The following ANGEL2 variants were observed in gnomAD, a reference collection of about 807,000 sequenced individuals.
ANGEL2 encodes the protein RNA 2',3'-cyclic phosphatase ANGEL2.
In ANGEL2, 41 loss-of-function variants were observed where a neutral mutation model predicts 66.0. The ratio of observed to expected loss-of-function variants is 0.62; its 90% confidence interval spans 0.48 to 0.81. The LOEUF is 0.81. Ranked by LOEUF, ANGEL2 falls within the 30% of genes least tolerant of loss-of-function variation. The pLI, the probability that ANGEL2 is intolerant of heterozygous loss-of-function variation, is 0.00. For synonymous variants in ANGEL2, 208 were observed against 226.5 expected (o/e 0.92, Z 0.73); for missense variants, 561 against 641.6 (o/e 0.87, Z 1.36).
intron 5 of ANGEL2, among the ~76,000 whole-genome samples, chr1:213,004,716 A>T (rs978497205): frequency 1.3e-5 from 2 of 151,828 alleles, no homozygotes; most frequent in Non-Finnish European, 2.9e-5. Flanking sequence ...AAAAATACAA[A>T]AATTAGCCAG....
At chr1:212,996,319 CAAAA>C (rs1333398821) in intron 8 of ANGEL2, among the ~76,000 whole-genome samples, 1 of 150,140 alleles carries the variant, frequency 6.7e-6, no homozygotes, top group Non-Finnish European at 1.5e-5. Context: ...AACAAACAAA[CAAAA>C]AAATTATATA....
chr1:213,004,996 A>G, intron 5 of ANGEL2, 37 bp downstream of exon 5: 1 of 1,468,870 alleles, frequency 6.8e-7, no homozygotes, highest in South Asian at 1.4e-5. Flanking sequence ...CAGAGCAACT[A>G]TGTCCACTCC....
chr1:213,000,081 A>C (rs1315551726), intron 7 of ANGEL2, among the ~76,000 whole-genome samples: 1 of 152,170 alleles, frequency 6.6e-6, no homozygotes, highest in East Asian at 1.9e-4. Flanking sequence ...TCTAATCCTC[A>C]CAACAATCCA....
In ANGEL2 at chr1:213,000,677, T is replaced by C. The variant is rs1193456806; in HGVS notation, c.1261+109A>G. ...AAAAATGAATAACTACATATTTATA[T>C]ATATGAATATTCATCCCTGAGATTT... On this transcript the variant is annotated intron_variant, in intron 6 of 8. Transcript: ENST00000366962. 5 of 1,193,702 alleles carry C rather than the reference T, an allele frequency of 4.2e-6. No homozygotes were observed. In the East Asian group the frequency reaches 8.2e-5, roughly 20 times the overall value. The allele number at this position is 1,193,702 out of a possible 1,614,324, so 73.9% of individuals were successfully genotyped here. A position where few individuals can be genotyped will look rare whatever the true frequency, so the allele number is the denominator to read the frequency against.
Position 213,000,818 on chromosome 1 carries a change from T to C in ANGEL2, c.1229A>G (p.Glu410Gly). 1 of 1,611,654 alleles carries C rather than the reference T, an allele frequency of 6.2e-7. No individual in the cohort carries two copies. Among genetic ancestry groups the C allele is most frequent in the East Asian group, 2.2e-5 (1 of 44,778 alleles). ...TTCTACTTTTGGTACCTGCTGTACC[T>C]CATACACACAGTTCTGTGAGATACC... The part of the protein sequence containing the change: ...NLGISQNCVY[E>G]VQQVPKVEKT... Residue 410 changes from glutamate to glycine, a missense_variant, in exon 6 of 9, where the codon GAG becomes GGG. Glu to Gly is a moderately conservative substitution (Grantham distance 98, BLOSUM62 -2). Coordinates refer to ENST00000366962, the MANE Select transcript of ANGEL2 (RefSeq NM_144567.5).
chr1:213,012,755 T>C (rs373457726), intron 2 of ANGEL2, among the ~76,000 whole-genome samples: 1 of 152,250 alleles, frequency 6.6e-6, no homozygotes. Context: ...GCCATCAATT[T>C]CTAAGAAGTC....
intron 7 of ANGEL2, among the ~76,000 whole-genome samples, chr1:212,999,151 C>A (rs917844956): frequency 1.3e-5 from 2 of 151,898 alleles, no homozygotes; most frequent in Non-Finnish European, 2.9e-5. Context: ...AGATTACAGG[C>A]ACGAGCCACC....
At position 213,015,645 on chromosome 1, in the gene ANGEL2, C is replaced by T. The variant is rs144711506; in HGVS notation, c.27G>A (p.Lys9=). The change falls in exon 1 of 9, where the codon AAG becomes AAA. Residue 9 remains lysine, a synonymous_variant. Transcript: ENST00000366962. ...TTCCCACCACACAGTGGCCGTAGCC[C>T]TTCCTCACACAGCGCCAGGCTTCCA... MEAWRCVR[K]GYGHCVVGRG... 6 of 1,614,052 alleles carry T rather than the reference C, an allele frequency of 3.7e-6. No individual in the cohort carries two copies. In the African/African-American group the frequency reaches 8.0e-5, roughly 22 times the overall value.
chr1:213,015,109 G>A, intron 1 of ANGEL2: 1 of 987,098 alleles, frequency 1.0e-6, no homozygotes, highest in East Asian at 1.1e-4. Flanking sequence ...ATAACAGTAA[G>A]GGATGACATA....
At position 213,005,057 on chromosome 1, in the gene ANGEL2, A is replaced by G; in HGVS notation, c.1110T>C (p.Asn370=). The G allele has an allele frequency of 6.3e-7, 1 of 1,575,206 alleles. No homozygotes were observed. The highest frequency in any genetic ancestry group is 8.6e-7 in the Non-Finnish European group (1 of 1,164,754). ...LYSFIKEGKL[N]YEGLPIGKVS... ...CCTTTCCTATGGGAAGTCCTTCATA[A>G]TTCAATTTTCCTTCCTTTATGAAAC... Residue 370 remains asparagine (N), a synonymous_variant, in exon 5 of 9, where the codon AAT becomes AAC. Transcript: ENST00000366962.
Position 213,000,787 on chromosome 1 carries a change from T to A in ANGEL2, c.1260A>T (p.Thr420=). 1 of 1,604,760 alleles carries A rather than the reference T, an allele frequency of 6.2e-7. No individual in the cohort carries two copies. The highest frequency in any genetic ancestry group is 8.5e-7 in the Non-Finnish European group (1 of 1,178,480). The stretch of plus-strand genomic sequence containing the variant: ...CCAAAATGTATTACAAACACTTACC[T>A]GTCTTTTCTACTTTTGGTACCTGCT... ...EVQQVPKVEK[T]DSDLTQTQLK... is the part of the protein sequence containing the mutation. Residue 420 remains threonine (T), a splice_region_variant and synonymous_variant, in exon 6 of 9, where the codon ACA becomes ACT. Coordinates refer to ENST00000366962, the MANE Select transcript of ANGEL2 (RefSeq NM_144567.5).
At chr1:213,010,203 A>G (rs534565327) in intron 2 of ANGEL2, among the ~76,000 whole-genome samples, 17 of 152,154 alleles carry the variant, frequency 1.1e-4, no homozygotes, top group East Asian at 5.8e-4. Context: ...CCTACCCCCA[A>G]TGGCTCAGAA....
Position 213,005,390 on chromosome 1 carries a change from T to C in ANGEL2, c.777A>G (p.Lys259=). Residue 259 remains lysine, a synonymous_variant, in exon 5 of 9, where the codon AAA becomes AAG. Coordinates refer to ENST00000366962, the MANE Select transcript of ANGEL2 (RefSeq NM_144567.5). The part of the protein sequence containing the change: ...RKPDGCAICF[K]HSKFSLLSVN... ...CTGACAAGAGTGAAAATTTGGAATG[T>C]TTGAAGCAAATAGCACAGCCATCAG... 5.0e-6 allele frequency: 8 copies of C among 1,614,148 alleles called. No homozygotes were observed. Among genetic ancestry groups the C allele is most frequent in the Non-Finnish European group, 6.8e-6 (8 of 1,180,004 alleles).
chr1:212,999,472 T>C (rs2076119453), intron 7 of ANGEL2, among the ~76,000 whole-genome samples: 2 of 152,208 alleles, frequency 1.3e-5, no homozygotes, highest in Admixed American at 6.5e-5. Context: ...TAAAAAATTT[T>C]TTTAAAAATT....
chr1:212,996,641 ATAT>A (rs1224555112), intron 8 of ANGEL2, among the ~76,000 whole-genome samples: 26,911 of 61,772 alleles, frequency 0.44, 6,396 homozygotes, highest in Non-Finnish European at 0.57. Flanking sequence ...AAAAAAAAAA[ATAT>A]ATATATATAT....
chr1:213,015,752 C>A lies in ANGEL2; in HGVS notation c.-81G>T. On this transcript the variant is annotated 5_prime_UTR_variant, in exon 1 of 9. Transcript: ENST00000366962. Reference sequence around the variant, plus strand: ...TAATCGATGCGACGGCCTAAAGTATCTAGGGAACCCCATCACTCTTAAGTA... The same window carrying A: ...TAATCGATGCGACGGCCTAAAGTATATAGGGAACCCCATCACTCTTAAGTA... 6.3e-7 allele frequency: 1 copy of A among 1,591,386 alleles called. No individual in the cohort carries two copies. The highest frequency in any genetic ancestry group is 8.6e-7 in the Non-Finnish European group (1 of 1,161,220).
chr1:212,998,262 C>T (rs2076080152), intron 7 of ANGEL2, among the ~76,000 whole-genome samples: 1 of 151,062 alleles, frequency 6.6e-6, no homozygotes, highest in South Asian at 2.1e-4. Context: ...AGTAGCTACG[C>T]GTGGAGGCAC....
chr1:212,997,844 T>C (rs904723438), intron 7 of ANGEL2, among the ~76,000 whole-genome samples: 1 of 152,188 alleles, frequency 6.6e-6, no homozygotes, highest in Admixed American at 6.5e-5. Context: ...AAGACTATTT[T>C]CTAGTGATAC....
chr1:213,004,844 G>A (rs771967768), intron 5 of ANGEL2, among the ~76,000 whole-genome samples, 189 bp downstream of exon 5: 12 of 144,672 alleles, frequency 8.3e-5, no homozygotes, highest in Non-Finnish European at 1.7e-4. Flanking sequence ...CTCCAGCCTG[G>A]GCGACAGAGT....
Sources: gnomAD v4.1 joint callset for allele counts (sites outside exome capture counted in the v4.1 genomes callset) on GRCh38, gnomAD v4.1.1 for gene constraint, MANE v1.5 for transcripts, NCBI Gene and HGNC (gene_info 2026-07-23, HGNC 2026-07-21) for gene names.